The following TRIM46 variants were observed in gnomAD, a reference collection of about 807,000 sequenced individuals.
TRIM46 encodes tripartite motif-containing protein 46.
A neutral mutation model predicts 69.7 loss-of-function variants in TRIM46; 17 were observed. The observed-to-expected ratio is 0.24, with a 90% CI of 0.17 to 0.37. TRIM46 has a LOEUF of 0.37. TRIM46 is among the 10% of genes least tolerant of loss of function. TRIM46 has a pLI of 1.00. For missense variants in TRIM46, 675 were observed against 1,025.1 expected (o/e 0.66, Z 4.66); for synonymous variants, 391 against 429.0 (o/e 0.91, Z 1.09).
chr1:155,174,906 G>GGAGGAC, intron 1 of TRIM46: 7 of 1,409,104 alleles, frequency 5.0e-6, no homozygotes, highest in Non-Finnish European at 5.5e-6. Context: ...AGCTGCGGCA[G>GGAGGAC]GAGGACGTAT....
intron 1 of TRIM46, chr1:155,174,409 G>A (rs1407020865): frequency 3.3e-6 from 2 of 607,054 alleles, no homozygotes; most frequent in Non-Finnish European, 4.1e-6. Flanking sequence ...GATGATGTAG[G>A]AGCCGCCCCA....
chr1:155,178,739 T>TTGGGCGCCC, intron 7 of TRIM46, 126 bp downstream of exon 7: 1 of 1,348,470 alleles, frequency 7.4e-7, no homozygotes, highest in Non-Finnish European at 1.0e-6. Context: ...CAGCCATTCC[T>TTGGGCGCCC]CCCACCCAGC....
chr1:155,177,941 G>A (rs1557811804), intron 5 of TRIM46, 61 bp from the exon 6 acceptor site: 11 of 1,579,666 alleles, frequency 7.0e-6, no homozygotes, highest in Non-Finnish European at 9.5e-6. Context: ...GCCAGCACAA[G>A]TGCTGCCTCC....
intron 8 of TRIM46, among the ~76,000 whole-genome samples, 186 bp downstream of exon 8, chr1:155,180,120 C>T (rs1258178609): frequency 1.3e-5 from 2 of 152,234 alleles, no homozygotes; most frequent in African/African-American, 4.8e-5. Flanking sequence ...GTGTGGGTGG[C>T]TTCTGGCAAG....
At chr1:155,178,739 T>TGGGGCCCCCCCCCCCC in intron 7 of TRIM46, 126 bp downstream of exon 7, 11 of 1,348,450 alleles carry the variant, frequency 8.2e-6, no homozygotes, top group South Asian at 1.3e-5. Flanking sequence ...CAGCCATTCC[T>TGGGGCCCCCCCCCCCC]CCCACCCAGC....
Position 155,181,957 on chromosome 1 carries a change from TGGCTGCTGACC to T in TRIM46, c.1712_1722del (p.Leu571ProfsTer124), listed in dbSNP as rs753956486. 5.0e-6 allele frequency: 8 copies of T among 1,614,100 alleles called. No homozygotes were observed. The highest frequency in any genetic ancestry group is 1.1e-5 in the South Asian group (1 of 91,088). ...AGTGTTCCAGGGCTGCCCCTGCTGC[TGGCTGCTGACC>T]GGCTGCTGACCGGCTGCCACCTGAG... is the stretch of plus-strand genomic sequence containing the variant. On this transcript the variant is annotated frameshift_variant, in exon 9 of 10. Coordinates refer to ENST00000334634, the MANE Select transcript of TRIM46 (RefSeq NM_025058.5). LOFTEE classifies it high-confidence loss of function. The surrounding 1 kb of genome is among the most constrained non-coding windows in gnomAD (Gnocchi z 4.3).
At position 155,183,843 on chromosome 1, in the gene TRIM46, G is replaced by C. The variant is rs1259015772; in HGVS notation, c.1933G>C (p.Val645Leu). ...GHDSGAEDAT[V>L]EASPPFAFLT... ...CGACAGCGGTGCCGAGGATGCCACAGTGGAGGCGTCGCCACCCTTCGCTTT... is the reference window on the plus strand; with the variant it reads ...CGACAGCGGTGCCGAGGATGCCACACTGGAGGCGTCGCCACCCTTCGCTTT... The change falls in exon 10 of 10, where the codon GTG becomes CTG. Residue 645 changes from valine to leucine, a missense_variant. By Grantham distance (32) the Val-to-Leu change is conservative. Around this residue, in one of 5 missense-constraint regions of TRIM46, gnomAD observed 108 missense variants for 153.0 expected, o/e 0.71. Coordinates refer to ENST00000334634, the MANE Select transcript of TRIM46 (RefSeq NM_025058.5). 3 of 1,610,584 alleles carry C rather than the reference G, an allele frequency of 1.9e-6. No individual in the cohort carries two copies. The highest frequency in any genetic ancestry group is 4.5e-5 in the East Asian group (2 of 44,908).
rs568225887 is a variant in TRIM46 at position 155,183,850 on chromosome 1, C to T, written c.1940C>T (p.Ala647Val). The T allele has an allele frequency of 4.3e-6, 7 of 1,611,188 alleles. No homozygotes were observed. Among genetic ancestry groups the T allele is most frequent in the East Asian group, 2.2e-5 (1 of 44,888 alleles). The change falls in exon 10 of 10, where the codon GCG becomes GTG. Residue 647 changes from alanine (A) to valine (V), a missense_variant. By Grantham distance (64) the Ala-to-Val change is moderately conservative (BLOSUM62 0). Around this residue, in one of 5 missense-constraint regions of TRIM46, gnomAD observed 108 missense variants for 153.0 expected, o/e 0.71. Transcript: ENST00000334634. ...DSGAEDATVEASPPFAFLTIG... is the reference protein window; with the variant it reads ...DSGAEDATVEVSPPFAFLTIG... ...GGTGCCGAGGATGCCACAGTGGAGG[C>T]GTCGCCACCCTTCGCTTTCCTAACC...
chr1:155,174,103 T>C (rs1665407979), intron 1 of TRIM46, 74 bp downstream of exon 1: 8 of 1,483,550 alleles, frequency 5.4e-6, no homozygotes, highest in Non-Finnish European at 7.4e-6. Context: ...CTGGAACAGG[T>C]GGGGATCCAG....
chr1:155,178,739 T>TTGGGGGCCCCCCCCCCCCCCCCCCC, intron 7 of TRIM46, 126 bp downstream of exon 7: 1 of 1,348,474 alleles, frequency 7.4e-7, no homozygotes, highest in Non-Finnish European at 1.0e-6. Context: ...CAGCCATTCC[T>TTGGGGGCCCCCCCCCCCCCCCCCCC]CCCACCCAGC....
In TRIM46 at chr1:155,181,969, G is replaced by C. The variant is rs763700927; in HGVS notation, c.1706G>C (p.Arg569Pro). The stretch of plus-strand genomic sequence containing the variant: ...CTGCCCCTGCTGCTGGCTGCTGACC[G>C]GCTGCTGACCGGCTGCCACCTGAGT... ...PGLPLLLAAD[R>P]LLTGCHLSVD... Residue 569 changes from arginine (R) to proline (P), a missense_variant, in exon 9 of 10, where the codon CGG (arginine) becomes CCG (proline). Around this residue, in one of 5 missense-constraint regions of TRIM46, gnomAD observed 361 missense variants for 498.3 expected, o/e 0.72. Coordinates refer to ENST00000334634, the MANE Select transcript of TRIM46 (RefSeq NM_025058.5). This position sits in a 1 kb window ranked among gnomAD's most constrained non-coding sequence, Gnocchi z 4.3. 6.2e-7 allele frequency: 1 copy of C among 1,613,810 alleles called. No individual in the cohort carries two copies. Among genetic ancestry groups the C allele is most frequent in the Non-Finnish European group, 8.5e-7 (1 of 1,179,988 alleles).
At chr1:155,178,739 T>TGGGCCCCCCCCCCCCCCCCCCCCC in intron 7 of TRIM46, 126 bp downstream of exon 7, 4 of 1,348,466 alleles carry the variant, frequency 3.0e-6, no homozygotes, top group Non-Finnish European at 4.1e-6. Flanking sequence ...CAGCCATTCC[T>TGGGCCCCCCCCCCCCCCCCCCCCC]CCCACCCAGC....
At position 155,175,964 on chromosome 1, in the gene TRIM46, A is replaced by C. The variant is rs1665625058; in HGVS notation, c.402A>C (p.Gln134His). 1.9e-6 allele frequency: 3 copies of C among 1,611,280 alleles called. No homozygotes were observed. Among genetic ancestry groups the C allele is most frequent in the Non-Finnish European group, 2.5e-6 (3 of 1,177,950 alleles). Reference protein sequence around the residue: ...QVIMFPCPACQGDVELGERGL... With the variant: ...QVIMFPCPACHGDVELGERGL... The stretch of plus-strand genomic sequence containing the variant: ...TCATGTTCCCGTGCCCAGCCTGCCA[A>C]GGTGATGTGGAGCTTGGGGAGCGGG... The change falls in exon 3 of 10, where the codon CAA becomes CAC. Residue 134 changes from glutamine (Q) to histidine (H), a missense_variant. By Grantham distance (24) the Gln-to-His change is conservative. This residue lies in a region of TRIM46 where 170 missense variants were observed against 255.6 expected (regional missense o/e 0.67). Coordinates refer to ENST00000334634, the MANE Select transcript of TRIM46 (RefSeq NM_025058.5). This position sits in a 1 kb window ranked among gnomAD's most constrained non-coding sequence, Gnocchi z 4.2.
rs1310908090 is a variant in TRIM46, at chr1:155,183,044, G to A, written c.1887-753G>A. On this transcript the variant is annotated intron_variant, in intron 9 of 9. Coordinates refer to ENST00000334634, the MANE Select transcript of TRIM46 (RefSeq NM_025058.5). The stretch of plus-strand genomic sequence containing the variant: ...TCCTGCCTCAGCCTCCCGAGTAGCT[G>A]GGACTACAGGCACCCGCCACCATGC... 2.6e-5 allele frequency among the ~76,000 whole-genome samples: 4 copies of A among 151,250 alleles called. No homozygotes were observed. The East Asian group carries it at 8.0e-4, about 30-fold the overall frequency.
chr1:155,183,132 A>T (rs4971099), intron 9 of TRIM46, among the ~76,000 whole-genome samples: 1 of 151,338 alleles, frequency 6.6e-6, no homozygotes, highest in Non-Finnish European at 1.5e-5. Context: ...GGATGGTCTC[A>T]ATCTCCTGAC....
chr1:155,183,921 G>A lies in TRIM46; in HGVS notation c.2011G>A (p.Ala671Thr), dbSNP rs998443380. 9 of 1,613,860 alleles carry A rather than the reference G, an allele frequency of 5.6e-6. No individual in the cohort carries two copies. Among genetic ancestry groups the A allele is most frequent in the South Asian group, 3.3e-5 (3 of 91,076 alleles). The part of the protein sequence containing the change: ...ILLGSGASSN[A>T]GLTGRDGPTA... ...GCTGGGGTCGGGGGCAAGCTCAAAC[G>A]CAGGGCTGACAGGGAGGGATGGCCC... Residue 671 changes from alanine to threonine, a missense_variant, in exon 10 of 10, where the codon GCA (alanine) becomes ACA (threonine). By Grantham distance (58) the Ala-to-Thr change is moderately conservative (BLOSUM62 0). Coordinates refer to ENST00000334634, the MANE Select transcript of TRIM46 (RefSeq NM_025058.5).
rs185246544 is a variant in TRIM46 at position 155,181,027 on chromosome 1, G to T, written c.1589-825G>T. Among the ~76,000 whole-genome samples, 95 of 152,134 alleles carry T rather than the reference G, an allele frequency of 6.2e-4. No homozygotes were observed. The highest frequency in any genetic ancestry group is 1.1e-3 in the Non-Finnish European group (73 of 68,034). ...AGGTGGATGGATCACGAGGTCAGGC[G>T]TTCAAGACCAGCCTGGCCAACATAG... On this transcript the variant is annotated intron_variant, in intron 8 of 9. Transcript: ENST00000334634. This position sits in a 1 kb window ranked among gnomAD's most constrained non-coding sequence, Gnocchi z 4.3.
In TRIM46 at chr1:155,184,338, A is replaced by G. The variant is rs1666393079; in HGVS notation, c.*148A>G. On this transcript the variant is annotated 3_prime_UTR_variant, in exon 10 of 10. Coordinates refer to ENST00000334634, the MANE Select transcript of TRIM46 (RefSeq NM_025058.5). This position sits in a 1 kb window ranked among gnomAD's most constrained non-coding sequence, Gnocchi z 5.6. ...CCTTCTCCCGTGTCTGTCTTCCCACAGTTTTCTCTTGACCCAGGGGCTCTC... is the reference window on the plus strand; with the variant it reads ...CCTTCTCCCGTGTCTGTCTTCCCACGGTTTTCTCTTGACCCAGGGGCTCTC... The G allele has an allele frequency of 1.1e-6, 1 of 901,170 alleles. No individual in the cohort carries two copies. The highest frequency in any genetic ancestry group is 1.7e-5 in the African/African-American group (1 of 59,252). 55.8% of individuals were successfully genotyped at this position (901,170 alleles called of 1,614,324 possible).
chr1:155,184,554 C>A lies in TRIM46; in HGVS notation c.*364C>A. ...GGGCACCTGGAACACTGGGCATGAT[C>A]TCCAGCTCTGCCCTTGCCCTGCCAA... On this transcript the variant is annotated 3_prime_UTR_variant, in exon 10 of 10. Transcript: ENST00000334634. The surrounding 1 kb of genome is among the most constrained non-coding windows in gnomAD (Gnocchi z 5.6). The A allele has an allele frequency of 4.5e-6, 1 of 224,346 alleles. No individual in the cohort carries two copies. The highest frequency in any genetic ancestry group is 7.8e-5 in the South Asian group (1 of 12,836). The allele number at this position is 224,346 out of a possible 1,614,324, so 13.9% of individuals were successfully genotyped here.
Sources: gnomAD v4.1 joint callset for allele counts (sites outside exome capture counted in the v4.1 genomes callset) on GRCh38, gnomAD v4.1.1 for gene constraint, gnomAD v4.1.1 regional missense constraint, Gnocchi (gnomAD v3.1) non-coding constraint, MANE v1.5 for transcripts, NCBI Gene and HGNC (gene_info 2026-07-23, HGNC 2026-07-21) for gene names.